Variants in CCDC171 observed in about 807,000 individuals in gnomAD.
The protein encoded by CCDC171 is coiled-coil domain-containing protein 171.
A neutral mutation model predicts 168.2 loss-of-function variants in CCDC171; 177 were observed. That is an observed-to-expected ratio of 1.05 (90% CI 0.93 to 1.19). CCDC171 has a LOEUF of 1.19. Among genes scored for constraint, CCDC171 ranks in the 50% most tolerant of loss-of-function variants. CCDC171 has a pLI of 0.00. For synonymous variants in CCDC171, 687 were observed against 540.8 expected, an observed-to-expected ratio of 1.27 and a Z score of -3.75; for missense variants, 1,991 against 1,539.0, an observed-to-expected ratio of 1.29 and a Z score of -4.91.
chr9:15,846,725 G>C lies in CCDC171; in HGVS notation c.3291G>C (p.Glu1097Asp), dbSNP rs771270953. 7 of 1,613,120 alleles carry C rather than the reference G, an allele frequency of 4.3e-6. No homozygotes were observed. The South Asian group carries it at 7.7e-5, about 18-fold the overall frequency. ...AGAGTCTCTCCGAGGCAAAGATGGA[G>C]CTGAGAAGAAAAGATCAATCTCTGC... ...AVKSLSEAKM[E>D]LRRKDQSLRQ... The change falls in exon 22 of 26, where the codon GAG becomes GAC. Residue 1097 changes from glutamate to aspartate, a missense_variant. Transcript: ENST00000380701.
intron 1 of CCDC171, among the ~76,000 whole-genome samples, chr9:15,561,874 G>A (rs150941575): frequency 1.3e-5 from 2 of 152,194 alleles, no homozygotes; most frequent in Admixed American, 6.5e-5. Context: ...CAGAGCTGGT[G>A]TGGAAACCCA....
At chr9:15,966,904 T>C (rs1245048765) in intron 25 of CCDC171, among the ~76,000 whole-genome samples, 2 of 152,084 alleles carry the variant, frequency 1.3e-5, no homozygotes, top group African/African-American at 4.8e-5. Context: ...TGTATATATA[T>C]ATATATATAA....
At chr9:15,893,639 C>T (rs1241361584) in intron 24 of CCDC171, among the ~76,000 whole-genome samples, 1 of 152,094 alleles carries the variant, frequency 6.6e-6, no homozygotes, top group East Asian at 1.9e-4. Flanking sequence ...AAACACTTCT[C>T]AAAAGGAGAC....
At chr9:15,950,214 A>G (rs1828962587) in intron 25 of CCDC171, among the ~76,000 whole-genome samples, 1 of 150,736 alleles carries the variant, frequency 6.6e-6, no homozygotes, top group South Asian at 2.2e-4. Flanking sequence ...GATATCATCC[A>G]GGAGAACTTC....
chr9:15,810,897 A>T (rs1410731002), intron 21 of CCDC171, among the ~76,000 whole-genome samples: 1 of 152,250 alleles, frequency 6.6e-6, no homozygotes, highest in Admixed American at 6.5e-5. Context: ...GCCAGAGCAG[A>T]CGCTGAGGCC....
downstream of CCDC171, among the ~76,000 whole-genome samples, chr9:16,064,654 G>A (rs1833972560): frequency 6.6e-6 from 1 of 152,112 alleles, no homozygotes; most frequent in Non-Finnish European, 1.5e-5. Flanking sequence ...CATGGCAACT[G>A]GCAAAGAATT....
At chr9:16,102,779 T>A in the CCDC171 span, among the ~76,000 whole-genome samples, 4 of 152,162 alleles carry the variant, frequency 2.6e-5, no homozygotes, top group Admixed American at 1.3e-4. Context: ...CGGAGGAAAC[T>A]CTTAGGTGTC....
chr9:16,088,449 A>G, the CCDC171 span, among the ~76,000 whole-genome samples: 1 of 152,232 alleles, frequency 6.6e-6, no homozygotes, highest in Non-Finnish European at 1.5e-5. Flanking sequence ...TGCAAATGAC[A>G]TGATTGTATA....
chr9:15,874,010 C>G (rs1817524090), intron 23 of CCDC171, among the ~76,000 whole-genome samples: 1 of 151,948 alleles, frequency 6.6e-6, no homozygotes, highest in African/African-American at 2.4e-5. Flanking sequence ...GCAAACAAAC[C>G]TCTTTCTTGT....
intron 3 of CCDC171, among the ~76,000 whole-genome samples, chr9:16,009,111 C>G (rs550237481): frequency 2.0e-5 from 3 of 152,182 alleles, no homozygotes; most frequent in South Asian, 2.1e-4. Context: ...GATGCTTTCT[C>G]TATTATTATG....
the CCDC171 span, among the ~76,000 whole-genome samples, chr9:16,077,861 G>T: frequency 6.0e-3 from 916 of 152,286 alleles, 11 homozygotes; most frequent in African/African-American, 0.021. Flanking sequence ...CTAAGAAGTG[G>T]AGCTGGTTTC....
chr9:15,643,366 G>A (rs1208157922), intron 7 of CCDC171, among the ~76,000 whole-genome samples: 1 of 152,040 alleles, frequency 6.6e-6, no homozygotes, highest in Non-Finnish European at 1.5e-5. Context: ...TGCTCATTCT[G>A]GTGTGGGCTA....
intron 25 of CCDC171, among the ~76,000 whole-genome samples, chr9:15,947,789 A>T (rs1017686853): frequency 1.3e-5 from 2 of 151,810 alleles, no homozygotes; most frequent in African/African-American, 4.8e-5. Context: ...TAATGGGCAT[A>T]CAAGTATGCT....
chr9:15,802,831 A>C (rs1365644053), intron 21 of CCDC171, among the ~76,000 whole-genome samples: 1 of 152,172 alleles, frequency 6.6e-6, no homozygotes, highest in Non-Finnish European at 1.5e-5. Flanking sequence ...AGGAATCACC[A>C]CACTGTCTTC....
the CCDC171 span, among the ~76,000 whole-genome samples, chr9:16,071,481 C>G: frequency 6.6e-6 from 1 of 152,198 alleles, no homozygotes; most frequent in Non-Finnish European, 1.5e-5. Flanking sequence ...TCAGCTGTGC[C>G]TTCTGTGAGA....
intron 21 of CCDC171, among the ~76,000 whole-genome samples, chr9:15,832,556 G>A (rs1563831544): frequency 6.6e-6 from 1 of 152,102 alleles, no homozygotes; most frequent in East Asian, 1.9e-4. Context: ...TGTGTTATGT[G>A]AACATAGAAA....
intron 10 of CCDC171, among the ~76,000 whole-genome samples, chr9:15,686,089 A>G (rs528589657): frequency 6.6e-6 from 1 of 152,276 alleles, no homozygotes; most frequent in Non-Finnish European, 1.5e-5. Context: ...TGAGCTCTAT[A>G]CTTGAAAGAG....
chr9:15,561,837 A>G (rs960301573), intron 1 of CCDC171, among the ~76,000 whole-genome samples: 4 of 151,978 alleles, frequency 2.6e-5, no homozygotes, highest in Admixed American at 6.6e-5. Context: ...TAAAAAAAAA[A>G]GAAAGACTTG....
At chr9:15,615,982 G>A (rs763403023) in intron 6 of CCDC171, among the ~76,000 whole-genome samples, 3 of 151,516 alleles carry the variant, frequency 2.0e-5, no homozygotes, top group Admixed American at 1.3e-4. Context: ...ATGGAGTCTC[G>A]CTCTGTCGCC....
Sources: gnomAD v4.1 joint callset for allele counts (sites outside exome capture counted in the v4.1 genomes callset) on GRCh38, gnomAD v4.1.1 for gene constraint, MANE v1.5 for transcripts, NCBI Gene and HGNC (gene_info 2026-07-23, HGNC 2026-07-21) for gene names.